Variants in DCAF1 observed in about 807,000 individuals in gnomAD.
DCAF1 encodes the protein DDB1- and CUL4-associated factor 1.
DCAF1 carries 15 observed loss-of-function variants against 128.0 expected under a neutral mutation model. The observed-to-expected ratio is 0.12, with a 90% CI of 0.08 to 0.18. The LOEUF is 0.18. Ranked by LOEUF, DCAF1 falls within the 10% of genes least tolerant of loss-of-function variation. The probability of loss-of-function intolerance (pLI) is 1.00; values close to 1 mark genes in which losing one functional copy is unlikely to be tolerated. For missense variants in DCAF1, 988 were observed against 1,649.5 expected (o/e 0.60, Z 6.95); for synonymous variants, 610 against 603.0 (o/e 1.01, Z -0.17).
chr3:51,403,102 C>T lies in DCAF1; in HGVS notation c.4465+41G>A. 1.3e-6 allele frequency: 2 copies of T among 1,566,476 alleles called. No individual in the cohort carries two copies. Among genetic ancestry groups the T allele is most frequent in the Non-Finnish European group, 1.7e-6 (2 of 1,153,682 alleles). ...TGGGCACAAAAGAAGGGATCTTGCC[C>T]TGGGTGCCAAGGCTCAGCCTGAACT... is the stretch of plus-strand genomic sequence containing the variant. On this transcript the variant is annotated intron_variant, in intron 24 of 24. Coordinates refer to ENST00000684031, the MANE Select transcript of DCAF1 (RefSeq NM_001387579.1).
intron 18 of DCAF1, among the ~76,000 whole-genome samples, chr3:51,415,787 GTCTC>G (rs1266647939): frequency 5.3e-5 from 8 of 151,880 alleles, no homozygotes; most frequent in African/African-American, 7.3e-5. Flanking sequence ...GATGGGGGGA[GTCTC>G]TCTATGTTGC....
intron 2 of DCAF1, among the ~76,000 whole-genome samples, chr3:51,485,698 T>C (rs1553655072): frequency 6.6e-6 from 1 of 152,056 alleles, no homozygotes; most frequent in Non-Finnish European, 1.5e-5. Context: ...CCAAAAGAAA[T>C]ACATGTAAAA....
At chr3:51,491,235 C>T (rs1553657840) in intron 2 of DCAF1, among the ~76,000 whole-genome samples, 1 of 151,540 alleles carries the variant, frequency 6.6e-6, no homozygotes, top group African/African-American at 2.4e-5. Context: ...GTAATCCCAG[C>T]TACTGGGACA....
At chr3:51,429,095 A>C (rs1553634836) in intron 12 of DCAF1, among the ~76,000 whole-genome samples, 166 bp downstream of exon 12, 1 of 152,158 alleles carries the variant, frequency 6.6e-6, no homozygotes, top group Non-Finnish European at 1.5e-5. Flanking sequence ...AATTCCCTGA[A>C]ATTCACCTAT....
intron 10 of DCAF1, among the ~76,000 whole-genome samples, chr3:51,431,970 CCT>C (rs1700426087): frequency 6.6e-6 from 1 of 150,758 alleles, no homozygotes; most frequent in South Asian, 2.1e-4. Context: ...AGAGCGAGAC[CCT>C]GTCATTAGAA....
intron 11 of DCAF1, 123 bp downstream of exon 11, chr3:51,429,910 A>G (rs912640079): frequency 3.3e-6 from 2 of 609,970 alleles, no homozygotes; most frequent in Non-Finnish European, 5.9e-6. Flanking sequence ...AAACTTCACA[A>G]AAAGAATGGC....
intron 3 of DCAF1, among the ~76,000 whole-genome samples, chr3:51,476,445 T>A (rs1705453936): frequency 6.6e-6 from 1 of 151,302 alleles, no homozygotes; most frequent in Non-Finnish European, 1.5e-5. Flanking sequence ...TTAGGGTAGC[T>A]ATTGACTGGG....
At chr3:51,482,616 T>C (rs1296835276) in intron 3 of DCAF1, among the ~76,000 whole-genome samples, 1 of 134,826 alleles carries the variant, frequency 7.4e-6, no homozygotes, top group African/African-American at 2.8e-5. Flanking sequence ...AATACAAAAA[T>C]TAGCCGGGTG....
intron 18 of DCAF1, among the ~76,000 whole-genome samples, chr3:51,415,850 C>G (rs539029287): frequency 1.3e-5 from 2 of 152,106 alleles, no homozygotes; most frequent in Admixed American, 6.6e-5. Flanking sequence ...TCCCAAAGTG[C>G]TGGGATTACA....
intron 4 of DCAF1, among the ~76,000 whole-genome samples, chr3:51,467,380 T>C (rs1365116583): frequency 2.0e-5 from 3 of 152,000 alleles, no homozygotes; most frequent in Non-Finnish European, 4.4e-5. Context: ...GAAACCATCA[T>C]TCTCAGCAAA....
chr3:51,486,494 A>G (rs1009067622), intron 2 of DCAF1, among the ~76,000 whole-genome samples: 1 of 151,688 alleles, frequency 6.6e-6, no homozygotes, highest in African/African-American at 2.4e-5. Flanking sequence ...ACACCCCGCC[A>G]TATTTTCAGA....
intron 10 of DCAF1, among the ~76,000 whole-genome samples, chr3:51,432,136 T>C (rs1218085926): frequency 4.6e-5 from 7 of 150,794 alleles, no homozygotes; most frequent in Non-Finnish European, 1.0e-4. Flanking sequence ...CTGGGCACAG[T>C]GGTGGGCGCC....
chr3:51,419,145 G>A (rs1431456113), intron 15 of DCAF1, among the ~76,000 whole-genome samples: 1 of 152,100 alleles, frequency 6.6e-6, no homozygotes, highest in East Asian at 1.9e-4. Flanking sequence ...GGTATCAATT[G>A]AGGTCAGGAA....
chr3:51,486,193 C>CTTTT (rs35273248), intron 2 of DCAF1, among the ~76,000 whole-genome samples: 2 of 113,358 alleles, frequency 1.8e-5, no homozygotes, highest in Non-Finnish European at 1.8e-5. Flanking sequence ...CCGGCAGATT[C>CTTTT]TTTTTTTTTT....
chr3:51,403,323 T>C lies in DCAF1; in HGVS notation c.4285A>G (p.Thr1429Ala). The change falls in exon 24 of 25, where the codon ACT becomes GCT. Residue 1429 changes from threonine to alanine, a missense_variant. By Grantham distance (58) the Thr-to-Ala change is moderately conservative. Coordinates refer to ENST00000684031, the MANE Select transcript of DCAF1 (RefSeq NM_001387579.1). ...AACTCCGCCTCCAGCAACTGGTCAGTGTCAAGCTCATCTAAATCATCGGTG... is the reference window on the plus strand; with the variant it reads ...AACTCCGCCTCCAGCAACTGGTCAGCGTCAAGCTCATCTAAATCATCGGTG... Reference protein sequence around the residue: ...DDTDDLDELDTDQLLEAELEE... With the variant: ...DDTDDLDELDADQLLEAELEE... The C allele has an allele frequency of 6.4e-7, 1 of 1,568,526 alleles. No individual in the cohort carries two copies. Among genetic ancestry groups the C allele is most frequent in the Non-Finnish European group, 8.6e-7 (1 of 1,156,444 alleles).
chr3:51,401,169 C>T (rs1355387625), intron 24 of DCAF1, among the ~76,000 whole-genome samples: 1 of 145,792 alleles, frequency 6.9e-6, no homozygotes, highest in Admixed American at 6.8e-5. Flanking sequence ...CAGAATCAAG[C>T]TGTTTCTCTT....
chr3:51,505,064 C>G, the DCAF1 span, among the ~76,000 whole-genome samples: 1 of 152,186 alleles, frequency 6.6e-6, no homozygotes, highest in African/African-American at 2.4e-5. Context: ...GAGTTCGAGA[C>G]CAGCCTGGCC....
At chr3:51,448,353 C>T (rs967663771) in intron 6 of DCAF1, among the ~76,000 whole-genome samples, 1 of 152,208 alleles carries the variant, frequency 6.6e-6, no homozygotes, top group East Asian at 1.9e-4. Flanking sequence ...TCAGATCTTC[C>T]AGTTCATTAA....
chr3:51,467,739 T>C (rs189169930), intron 4 of DCAF1, among the ~76,000 whole-genome samples: 1 of 152,314 alleles, frequency 6.6e-6, no homozygotes, highest in East Asian at 1.9e-4. Flanking sequence ...TCTCCTAGCA[T>C]ACTGCCTATA....
Sources: gnomAD v4.1 joint callset for allele counts (sites outside exome capture counted in the v4.1 genomes callset) on GRCh38, gnomAD v4.1.1 for gene constraint, MANE v1.5 for transcripts, NCBI Gene and HGNC (gene_info 2026-07-23, HGNC 2026-07-21) for gene names.